Variants in POU2F1 observed in about 807,000 individuals in gnomAD.
POU2F1 encodes the protein POU class 2 homeobox 1.
Under a neutral mutation model 84.9 loss-of-function variants are expected in POU2F1, and 16 were observed. The ratio of observed to expected loss-of-function variants is 0.19; its 90% CI spans 0.13 to 0.29. The LOEUF is 0.29. Among genes scored for constraint, POU2F1 ranks in the 10% least tolerant of loss-of-function variants. The pLI is 1.00. For synonymous variants in POU2F1, 368 were observed against 368.3 expected (o/e 1.00, Z 0.01); for missense variants, 738 against 942.6 (o/e 0.78, Z 2.84).
intron 1 of POU2F1, among the ~76,000 whole-genome samples, chr1:167,315,938 A>G (rs886472393): frequency 3.9e-5 from 6 of 152,246 alleles, no homozygotes; most frequent in African/African-American, 1.4e-4. Context: ...TCTCAAAGGC[A>G]TACATAATGC....
intron 1 of POU2F1, among the ~76,000 whole-genome samples, chr1:167,251,195 G>A (rs1048254993): frequency 1.3e-5 from 2 of 152,096 alleles, no homozygotes; most frequent in African/African-American, 4.8e-5. Context: ...GCCCAGGAGT[G>A]TGAGACCAGC....
intron 3 of POU2F1, among the ~76,000 whole-genome samples, chr1:167,367,671 A>G (rs1244870912): frequency 1.3e-5 from 2 of 152,196 alleles, no homozygotes; most frequent in Non-Finnish European, 2.9e-5. Flanking sequence ...TTCACCTAGA[A>G]TCACCAGTTG....
At chr1:167,244,208 A>G (rs1231948566) in intron 1 of POU2F1, among the ~76,000 whole-genome samples, 4 of 152,166 alleles carry the variant, frequency 2.6e-5, no homozygotes, top group Admixed American at 2.0e-4. Context: ...AGAAGGAGAG[A>G]ATTTTTGTGG....
intron 1 of POU2F1, among the ~76,000 whole-genome samples, chr1:167,258,429 A>G (rs971303165): frequency 6.6e-6 from 1 of 152,170 alleles, no homozygotes; most frequent in Non-Finnish European, 1.5e-5. Flanking sequence ...CCTTCATAGC[A>G]CTTACAAATT....
At chr1:167,352,829 C>T (rs533864701) in intron 2 of POU2F1, among the ~76,000 whole-genome samples, 20 of 152,298 alleles carry the variant, frequency 1.3e-4, no homozygotes, top group Admixed American at 7.2e-4. Context: ...TTTCTTCCCT[C>T]ACTCCCACAA....
chr1:167,413,160 TGA>T (rs1650080621), intron 15 of POU2F1, 46 bp downstream of exon 15: 3 of 1,316,240 alleles, frequency 2.3e-6, no homozygotes, highest in Non-Finnish European at 3.2e-6. Flanking sequence ...CACGTGTGTG[TGA>T]GTGTGTGTGT....
intron 1 of POU2F1, among the ~76,000 whole-genome samples, chr1:167,323,455 G>A (rs1432215515): frequency 1.3e-5 from 2 of 152,174 alleles, no homozygotes; most frequent in Admixed American, 6.5e-5. Context: ...CCAGAAACAT[G>A]TCATTTCAAA....
At chr1:167,300,336 A>G (rs1654597363) in intron 1 of POU2F1, among the ~76,000 whole-genome samples, 1 of 152,198 alleles carries the variant, frequency 6.6e-6, no homozygotes, top group African/African-American at 2.4e-5. Context: ...TGTTTGGGTT[A>G]TGGGTTCAAT....
chr1:167,267,302 GACCTGGAGGA>G (rs996407365), intron 1 of POU2F1, among the ~76,000 whole-genome samples: 5 of 151,906 alleles, frequency 3.3e-5, no homozygotes, highest in Admixed American at 3.3e-4. Context: ...ATAGAAGAGA[GACCTGGAGGA>G]ATAAATACTA....
chr1:167,241,758 T>C (rs1180278500), intron 1 of POU2F1: 1 of 152,226 alleles, frequency 6.6e-6, no homozygotes. Flanking sequence ...AACACTTATG[T>C]AGGCATCATT....
chr1:167,288,880 C>T (rs1653720541), intron 1 of POU2F1, among the ~76,000 whole-genome samples: 1 of 152,116 alleles, frequency 6.6e-6, no homozygotes, highest in African/African-American at 2.4e-5. Context: ...GAAGACAGTT[C>T]TAAATTTATT....
intron 1 of POU2F1, among the ~76,000 whole-genome samples, chr1:167,260,975 C>T (rs1251316955): frequency 6.6e-6 from 1 of 152,070 alleles, no homozygotes; most frequent in Non-Finnish European, 1.5e-5. Context: ...AACTGAAGCC[C>T]AGAGGAAACT....
At chr1:167,291,050 A>G (rs1156987277) in intron 1 of POU2F1, among the ~76,000 whole-genome samples, 1 of 134,014 alleles carries the variant, frequency 7.5e-6, no homozygotes, top group Non-Finnish European at 1.5e-5. Flanking sequence ...GTCAGAAAAA[A>G]AAAAAAAAAA....
At chr1:167,312,274 G>A (rs112537824) in intron 1 of POU2F1, among the ~76,000 whole-genome samples, 10 of 148,570 alleles carry the variant, frequency 6.7e-5, no homozygotes, top group East Asian at 2.0e-4. Flanking sequence ...TTGCTCTGTC[G>A]CCTAGGCTGG....
intron 1 of POU2F1, among the ~76,000 whole-genome samples, chr1:167,234,469 T>G (rs1181532695): frequency 6.6e-6 from 1 of 152,188 alleles, no homozygotes; most frequent in Non-Finnish European, 1.5e-5. Flanking sequence ...TGGTGGCTTA[T>G]GCTTGTAATC....
At chr1:167,374,446 C>T (rs1301273808) in intron 6 of POU2F1, 150 bp downstream of exon 6, 1 of 643,512 alleles carries the variant, frequency 1.6e-6, no homozygotes. Context: ...CCCTTCCTTA[C>T]CACTGAATTA....
intron 1 of POU2F1, among the ~76,000 whole-genome samples, chr1:167,328,302 T>G (rs1301690753): frequency 6.6e-6 from 1 of 152,234 alleles, no homozygotes; most frequent in Non-Finnish European, 1.5e-5. Flanking sequence ...ATTTCTATAC[T>G]CTTTAAGATA....
At chr1:167,350,854 C>T (rs1658509364) in intron 2 of POU2F1, among the ~76,000 whole-genome samples, 3 of 151,494 alleles carry the variant, frequency 2.0e-5, no homozygotes, top group Admixed American at 2.0e-4. Context: ...CAAAATTAGC[C>T]AGGCGTGGTG....
At chr1:167,282,058 A>G (rs1653179716) in intron 1 of POU2F1, among the ~76,000 whole-genome samples, 1 of 152,100 alleles carries the variant, frequency 6.6e-6, no homozygotes, top group South Asian at 2.1e-4. Flanking sequence ...CCTAGGGTTC[A>G]TGGACTGGCT....
Sources: allele counts gnomAD v4.1 joint callset (sites outside exome capture counted in the v4.1 genomes callset), GRCh38; gene constraint gnomAD v4.1.1; transcripts MANE v1.5; gene names NCBI Gene and HGNC (gene_info 2026-07-23, HGNC 2026-07-21).